SNX29: variants seen among roughly 807,000 people sequenced by gnomAD.
The protein encoded by SNX29 is sorting nexin-29.
A neutral mutation model predicts 102.1 loss-of-function variants in SNX29; 78 were observed. That is an observed-to-expected ratio of 0.76 (90% CI 0.64 to 0.92). The LOEUF (loss-of-function observed/expected upper bound fraction) is 0.92, where lower values mean the gene tolerates loss of function less well. Among genes scored for constraint, SNX29 ranks in the 40% least tolerant of loss-of-function variants. SNX29 has a pLI of 0.00. For missense variants in SNX29, 1,280 were observed against 1,061.7 expected, an observed-to-expected ratio of 1.21 and a Z score of -2.86; for synonymous variants, 580 against 414.5, an observed-to-expected ratio of 1.40 and a Z score of -4.85.
chr16:12,207,054 G>A (rs557771023), intron 14 of SNX29, among the ~76,000 whole-genome samples: 4 of 152,196 alleles, frequency 2.6e-5, no homozygotes, highest in South Asian at 4.2e-4. Context: ...GTCGCTTCAT[G>A]TAGGTACCAT....
At chr16:12,172,756 C>T (rs1422255157) in intron 13 of SNX29, among the ~76,000 whole-genome samples, 1 of 152,070 alleles carries the variant, frequency 6.6e-6, no homozygotes, top group Non-Finnish European at 1.5e-5. Context: ...TCATGCCATT[C>T]TCGATTTAAG....
chr16:12,160,233 T>G (rs909931333), intron 13 of SNX29, among the ~76,000 whole-genome samples: 1 of 152,206 alleles, frequency 6.6e-6, no homozygotes, highest in Non-Finnish European at 1.5e-5. Flanking sequence ...CACTCCACTT[T>G]CTGACTGTAT....
At chr16:12,151,746 T>G (rs1019023809) in intron 13 of SNX29, among the ~76,000 whole-genome samples, 2 of 152,230 alleles carry the variant, frequency 1.3e-5, no homozygotes, top group African/African-American at 4.8e-5. Context: ...TTGTTTGTTT[T>G]GTTTTTTGAG....
At chr16:12,008,897 A>G (rs2056550130) in intron 3 of SNX29, among the ~76,000 whole-genome samples, 1 of 151,768 alleles carries the variant, frequency 6.6e-6, no homozygotes, top group East Asian at 1.9e-4. Flanking sequence ...GCGCGCCTCC[A>G]GGCCTGGGTA....
At chr16:12,323,642 A>G (rs117992729) in intron 15 of SNX29, among the ~76,000 whole-genome samples, 232 of 152,270 alleles carry the variant, frequency 1.5e-3, no homozygotes, top group Admixed American at 3.2e-3. Context: ...TCACTGTCGT[A>G]TCCAGGCACC....
At chr16:12,097,713 A>C (rs2052829278) in intron 11 of SNX29, among the ~76,000 whole-genome samples, 1 of 152,206 alleles carries the variant, frequency 6.6e-6, no homozygotes, top group Non-Finnish European at 1.5e-5. Context: ...CTAGCCGGCT[A>C]TCTCAGCTGG....
At position 12,399,571 on chromosome 16, in the gene SNX29, G is replaced by C. The variant is rs138765559; in HGVS notation, c.1955+1070G>C. On this transcript the variant is annotated intron_variant, in intron 17 of 20. Transcript: ENST00000566228. Reference sequence around the variant, plus strand: ...AGGCTGGCCTGCGTTGAAATCTCAGGCATCAGTCCAGCCATTTGACCTCAC... The same window carrying C: ...AGGCTGGCCTGCGTTGAAATCTCAGCCATCAGTCCAGCCATTTGACCTCAC... 5.2e-3 allele frequency among the ~76,000 whole-genome samples: 793 copies of C among 152,328 alleles called. 11 individuals carry two copies. Among genetic ancestry groups the C allele is most frequent in the African/African-American group, 0.018 (753 of 41,568 alleles).
At chr16:12,264,118 GCTGAGC>G (rs757450983) in intron 14 of SNX29, among the ~76,000 whole-genome samples, 10 of 152,354 alleles carry the variant, frequency 6.6e-5, no homozygotes, top group Non-Finnish European at 1.3e-4. Context: ...GTGCCGGCCA[GCTGAGC>G]CCCTTGCAGA....
At chr16:12,133,985 T>G (rs554707927) in intron 13 of SNX29, among the ~76,000 whole-genome samples, 2 of 152,214 alleles carry the variant, frequency 1.3e-5, no homozygotes, top group Non-Finnish European at 2.9e-5. Context: ...AACAAGGTCA[T>G]GTAACTAGCC....
chr16:12,130,635 G>T (rs964154347), intron 13 of SNX29, among the ~76,000 whole-genome samples: 3 of 152,068 alleles, frequency 2.0e-5, no homozygotes, highest in Non-Finnish European at 4.4e-5. Flanking sequence ...CACCCAGTTT[G>T]CTCCCTAGAG....
intron 18 of SNX29, among the ~76,000 whole-genome samples, chr16:12,465,666 A>G (rs1278193212): frequency 6.6e-6 from 1 of 152,022 alleles, no homozygotes; most frequent in East Asian, 1.9e-4. Context: ...CTTTCTCAAT[A>G]TTGCTTTGGC....
intron 20 of SNX29, chr16:12,546,626 C>G (rs1347174000): frequency 6.6e-6 from 1 of 152,186 alleles, no homozygotes; most frequent in Non-Finnish European, 1.5e-5. Flanking sequence ...CCAGATTGAT[C>G]TATTGATAAT....
chr16:12,506,186 C>G (rs2089369832), intron 19 of SNX29, among the ~76,000 whole-genome samples: 1 of 152,168 alleles, frequency 6.6e-6, no homozygotes, highest in Non-Finnish European at 1.5e-5. Context: ...GTCTTGAACT[C>G]CTGACCTCAG....
At chr16:12,508,959 C>T (rs578161891) in intron 19 of SNX29, among the ~76,000 whole-genome samples, 3 of 152,278 alleles carry the variant, frequency 2.0e-5, no homozygotes, top group East Asian at 3.9e-4. Context: ...TGTGAAATGT[C>T]GTTCAGGTTG....
At chr16:12,337,859 G>T (rs1346424207) in intron 15 of SNX29, among the ~76,000 whole-genome samples, 1 of 152,108 alleles carries the variant, frequency 6.6e-6, no homozygotes, top group Admixed American at 6.6e-5. Context: ...TTATGTCCTG[G>T]GTATAAAAGC....
At chr16:12,012,244 G>A (rs1014396616) in intron 3 of SNX29, among the ~76,000 whole-genome samples, 5 of 152,140 alleles carry the variant, frequency 3.3e-5, no homozygotes, top group Non-Finnish European at 5.9e-5. Flanking sequence ...AGGAATTTTA[G>A]GCAGAGGGAA....
chr16:12,317,913 A>C (rs1198703131), intron 15 of SNX29, among the ~76,000 whole-genome samples: 1 of 152,242 alleles, frequency 6.6e-6, no homozygotes, highest in African/African-American at 2.4e-5. Flanking sequence ...CTGAGAGCTG[A>C]AAGGTATCAG....
At chr16:12,261,256 C>T (rs2078747783) in intron 14 of SNX29, among the ~76,000 whole-genome samples, 1 of 142,426 alleles carries the variant, frequency 7.0e-6, no homozygotes, top group Non-Finnish European at 1.5e-5. Context: ...GTGCGCACCC[C>T]CGGGTGAAGT....
intron 20 of SNX29, among the ~76,000 whole-genome samples, chr16:12,536,987 TAAAATA>T (rs71922824): frequency 1.5e-4 from 22 of 150,804 alleles, no homozygotes; most frequent in Admixed American, 4.6e-4. Flanking sequence ...CTTAAAAAAA[TAAAATA>T]AAAAGAGTTG....
Sources: gnomAD v4.1 joint callset for allele counts (sites outside exome capture counted in the v4.1 genomes callset) on GRCh38, gnomAD v4.1.1 for gene constraint, MANE v1.5 for transcripts, NCBI Gene and HGNC (gene_info 2026-07-23, HGNC 2026-07-21) for gene names.